HS3ST4: variants seen among roughly 807,000 people sequenced by gnomAD.
The protein encoded by HS3ST4 is heparan sulfate glucosamine 3-O-sulfotransferase 4.
HS3ST4 carries 17 observed loss-of-function variants against 29.2 expected under a neutral mutation model. That is an observed-to-expected ratio of 0.58 (90% confidence interval 0.40 to 0.87). The LOEUF (loss-of-function observed/expected upper bound fraction) is 0.87. HS3ST4 is among the 40% of genes least tolerant of loss of function. HS3ST4 has a pLI of 0.00. For missense variants in HS3ST4, 627 were observed against 634.5 expected (o/e 0.99, Z 0.13); for synonymous variants, 314 against 285.7 (o/e 1.10, Z -1.00).
At chr16:25,828,315 T>C (rs1468589156) in intron 1 of HS3ST4, among the ~76,000 whole-genome samples, 1,784 of 129,068 alleles carry the variant, frequency 0.014, 80 homozygotes, top group Non-Finnish European at 0.017. Context: ...TCTCTCTCTC[T>C]CTCTCTCTCT....
chr16:25,728,897 A>C (rs916321835), intron 1 of HS3ST4, among the ~76,000 whole-genome samples: 1 of 152,156 alleles, frequency 6.6e-6, no homozygotes, highest in Admixed American at 6.5e-5. Flanking sequence ...AGCCAGGGCA[A>C]CATAGTGAGA....
chr16:25,828,244 CTT>C (rs1244879917), intron 1 of HS3ST4, among the ~76,000 whole-genome samples: 1 of 35,954 alleles, frequency 2.8e-5, no homozygotes, highest in African/African-American at 1.2e-4. Flanking sequence ...CTTTCTTTCT[CTT>C]TCTTTCTTTC....
intron 1 of HS3ST4, among the ~76,000 whole-genome samples, chr16:25,732,078 A>T (rs1353972814): frequency 6.6e-6 from 1 of 152,166 alleles, no homozygotes; most frequent in African/African-American, 2.4e-5. Flanking sequence ...TTGACTAGAG[A>T]TGGTCTGACA....
chr16:25,994,018 G>C (rs2141729941), intron 1 of HS3ST4, among the ~76,000 whole-genome samples: 1 of 151,134 alleles, frequency 6.6e-6, no homozygotes, highest in South Asian at 2.1e-4. Flanking sequence ...GGTGGAGAGA[G>C]AGAGAGAGAG....
intron 1 of HS3ST4, among the ~76,000 whole-genome samples, chr16:25,749,607 GCC>G (rs1430100863): frequency 6.6e-6 from 1 of 152,132 alleles, no homozygotes; most frequent in Non-Finnish European, 1.5e-5. Flanking sequence ...AAGGCTGCCT[GCC>G]TTAGTCCTTC....
At chr16:25,769,543 T>G (rs1269382985) in intron 1 of HS3ST4, among the ~76,000 whole-genome samples, 1 of 152,182 alleles carries the variant, frequency 6.6e-6, no homozygotes, top group Non-Finnish European at 1.5e-5. Context: ...CTTAGCCGTC[T>G]CCTTGAGAGA....
intron 1 of HS3ST4, among the ~76,000 whole-genome samples, chr16:25,989,104 G>A (rs1387843658): frequency 6.6e-6 from 1 of 152,146 alleles, no homozygotes; most frequent in Non-Finnish European, 1.5e-5. Flanking sequence ...GAAACAGCCG[G>A]AATGGTTACA....
At chr16:26,018,081 G>A (rs1014360119) in intron 1 of HS3ST4, among the ~76,000 whole-genome samples, 8 of 152,192 alleles carry the variant, frequency 5.3e-5, no homozygotes, top group African/African-American at 1.9e-4. Context: ...TTATCACACT[G>A]CATCCCATGT....
At chr16:26,090,280 G>A (rs536441188) in intron 1 of HS3ST4, among the ~76,000 whole-genome samples, 1 of 151,946 alleles carries the variant, frequency 6.6e-6, no homozygotes, top group Non-Finnish European at 1.5e-5. Context: ...TTGAGATTAA[G>A]AGTTGGCAGA....
At chr16:26,050,685 C>A (rs952052733) in intron 1 of HS3ST4, among the ~76,000 whole-genome samples, 1 of 152,152 alleles carries the variant, frequency 6.6e-6, no homozygotes, top group African/African-American at 2.4e-5. Context: ...GCTCCTTGAG[C>A]CTCAGCATTC....
At position 25,828,234 on chromosome 16, in the gene HS3ST4, C is replaced by CTT. The variant is rs1290062049; in HGVS notation, c.734+135085_734+135086dup. On this transcript the variant is annotated intron_variant, in intron 1 of 1. Coordinates refer to ENST00000331351, the MANE Select transcript of HS3ST4 (RefSeq NM_006040.3). ...CTTGCTTTCTTTCCTTTCTTTCTTT[C>CTT]TTTCTTTCTCTTTCTTTCTTTCTTT... is the stretch of plus-strand genomic sequence containing the variant. Among the ~76,000 whole-genome samples, 132 of 77,270 alleles carry CTT rather than the reference C, an allele frequency of 1.7e-3. 2 individuals are homozygous for CTT. The highest frequency in any genetic ancestry group is 3.9e-3 in the African/African-American group (60 of 15,278). 50.7% of individuals were successfully genotyped at this position (77,270 alleles called of 152,430 possible).
intron 1 of HS3ST4, among the ~76,000 whole-genome samples, chr16:25,874,783 A>G (rs1967812223): frequency 6.6e-6 from 1 of 152,220 alleles, no homozygotes; most frequent in Non-Finnish European, 1.5e-5. Context: ...GTTGGAAAGT[A>G]GCATAAGTAC....
intron 1 of HS3ST4, among the ~76,000 whole-genome samples, chr16:25,940,298 G>A (rs1366027960): frequency 4.0e-5 from 6 of 150,578 alleles, no homozygotes; most frequent in Non-Finnish European, 8.8e-5. Context: ...TGTGATGTAC[G>A]ATTAAGCCTT....
intron 1 of HS3ST4, among the ~76,000 whole-genome samples, chr16:26,104,148 TAGTC>T (rs1414989975): frequency 6.6e-6 from 1 of 152,180 alleles, no homozygotes; most frequent in East Asian, 1.9e-4. Context: ...CTGGTTCAGT[TAGTC>T]TTTCGTAGAC....
At chr16:26,118,190 T>C (rs996552362) in intron 1 of HS3ST4, among the ~76,000 whole-genome samples, 4 of 152,154 alleles carry the variant, frequency 2.6e-5, no homozygotes, top group African/African-American at 9.7e-5. Flanking sequence ...CTTAGCCTCC[T>C]GAGTAGCTGG....
At chr16:25,978,632 C>G (rs575517218) in intron 1 of HS3ST4, among the ~76,000 whole-genome samples, 2 of 152,312 alleles carry the variant, frequency 1.3e-5, no homozygotes, top group South Asian at 2.1e-4. Context: ...CAAGTCAAAC[C>G]TCAATTTTCT....
At chr16:25,811,977 AC>A (rs1487484196) in intron 1 of HS3ST4, among the ~76,000 whole-genome samples, 1 of 152,104 alleles carries the variant, frequency 6.6e-6, no homozygotes, top group Non-Finnish European at 1.5e-5. Context: ...CATCCAAGTT[AC>A]TGCAAAGGAC....
chr16:25,967,077 C>G (rs1035251019), intron 1 of HS3ST4, among the ~76,000 whole-genome samples: 3 of 152,182 alleles, frequency 2.0e-5, no homozygotes, highest in Non-Finnish European at 4.4e-5. Context: ...GTGTAAGAAA[C>G]CCTCCAGGTG....
intron 1 of HS3ST4, among the ~76,000 whole-genome samples, chr16:25,779,820 T>C (rs1966851048): frequency 6.6e-6 from 1 of 152,204 alleles, no homozygotes; most frequent in African/African-American, 2.4e-5. Context: ...CACCCACTGC[T>C]GTTTACAAGA....
Sources: allele counts gnomAD v4.1 joint callset (sites outside exome capture counted in the v4.1 genomes callset), GRCh38; gene constraint gnomAD v4.1.1; transcripts MANE v1.5; gene names NCBI Gene and HGNC (gene_info 2026-07-23, HGNC 2026-07-21).